The following ANK3 variants were observed in gnomAD, a reference collection of about 807,000 sequenced individuals.
ANK3 encodes the protein ankyrin-3.
A neutral mutation model predicts 370.9 loss-of-function variants in ANK3; 57 were observed. The observed-to-expected ratio is 0.15, with a 90% CI of 0.12 to 0.19. The LOEUF (loss-of-function observed/expected upper bound fraction) is 0.19. Ranked by LOEUF, ANK3 falls within the 10% of genes least tolerant of loss-of-function variation. The pLI is 1.00. For missense variants in ANK3, 4,439 were observed against 5,302.1 expected (o/e 0.84, Z 5.06); for synonymous variants, 1,929 against 1,946.3 (o/e 0.99, Z 0.23).
intron 1 of ANK3, among the ~76,000 whole-genome samples, chr10:60,365,347 A>G (rs763527154): frequency 1.2e-4 from 18 of 152,156 alleles, no homozygotes; most frequent in Admixed American, 2.0e-4. Context: ...TTTAAATTCT[A>G]TTAATCCAAA....
At position 60,395,552 on chromosome 10, in the gene ANK3, C is replaced by CTTTCTTTCTTTCT. The variant is rs1251008666; in HGVS notation, c.97-115926_97-115914dup. The stretch of plus-strand genomic sequence containing the variant: ...CACTTAGCAATCAACTACTATGCCT[C>CTTTCTTTCTTTCT]TTTCTTTCTTTCTTTCTTTCTTTCT... On this transcript the variant is annotated intron_variant, in intron 2 of 43. Coordinates refer to the ANK3 transcript ENST00000373827. Among the ~76,000 whole-genome samples, 19 of 51,126 alleles carry CTTTCTTTCTTTCT rather than the reference C, an allele frequency of 3.7e-4. 1 individual carries two copies. The South Asian group carries it at 4.4e-3, about 12-fold the overall frequency. 33.5% of individuals were successfully genotyped at this position (51,126 alleles called of 152,430 possible). A position where few individuals can be genotyped will look rare whatever the true frequency, so the allele number is the denominator to read the frequency against.
chr10:60,435,371 C>T (rs931898650), intron 2 of ANK3, among the ~76,000 whole-genome samples: 4 of 152,136 alleles, frequency 2.6e-5, no homozygotes, highest in Non-Finnish European at 5.9e-5. Context: ...AGTTCTGTCT[C>T]CATATTATTT....
At chr10:60,562,439 A>C (rs1297222763) in intron 2 of ANK3, among the ~76,000 whole-genome samples, 1 of 152,012 alleles carries the variant, frequency 6.6e-6, no homozygotes, top group Non-Finnish European at 1.5e-5. Context: ...AGGGGGATGG[A>C]GTCTCGCTCT....
intron 2 of ANK3, among the ~76,000 whole-genome samples, chr10:60,613,053 C>G (rs1200681270): frequency 1.3e-5 from 2 of 152,118 alleles, no homozygotes; most frequent in African/African-American, 4.8e-5. Flanking sequence ...TTGTTTCATT[C>G]TTGTAGAAGG....
intron 1 of ANK3, among the ~76,000 whole-genome samples, chr10:60,713,928 C>T (rs889002719): frequency 7.3e-5 from 11 of 150,824 alleles, no homozygotes; most frequent in African/African-American, 2.7e-4. Flanking sequence ...AATGGGAAAT[C>T]GATAGAGAAT....
chr10:60,235,333 T>C (rs2132538375), intron 7 of ANK3, among the ~76,000 whole-genome samples: 1 of 152,340 alleles, frequency 6.6e-6, no homozygotes, highest in Non-Finnish European at 1.5e-5. Context: ...TACAGGCATT[T>C]GTTAGCAGTC....
At chr10:60,693,748 G>A (rs549399639) in intron 1 of ANK3, among the ~76,000 whole-genome samples, 111 of 152,268 alleles carry the variant, frequency 7.3e-4, no homozygotes, top group African/African-American at 2.6e-3. Flanking sequence ...AAACCCATCT[G>A]TACATCACCA....
intron 1 of ANK3, among the ~76,000 whole-genome samples, chr10:60,696,485 T>A: frequency 6.6e-6 from 1 of 151,504 alleles, no homozygotes; most frequent in African/African-American, 2.4e-5. Flanking sequence ...TTGATGAACA[T>A]TGATGCAAAA....
At chr10:60,325,579 T>C (rs10761482) in intron 1 of ANK3, among the ~76,000 whole-genome samples, 107,730 of 151,992 alleles carry the variant, frequency 0.71, 38,780 homozygotes, top group South Asian at 0.9. Context: ...ACACTTTTAC[T>C]GATTCTCTGT....
At chr10:60,167,769 C>CT (rs1288606433) in intron 21 of ANK3, among the ~76,000 whole-genome samples, 1 of 151,316 alleles carries the variant, frequency 6.6e-6, no homozygotes, top group East Asian at 1.9e-4. Flanking sequence ...GTTGTTAAAA[C>CT]TAAAAAAAGG....
intron 16 of ANK3, among the ~76,000 whole-genome samples, chr10:60,188,018 C>G (rs2096388232): frequency 6.6e-6 from 1 of 152,142 alleles, no homozygotes; most frequent in African/African-American, 2.4e-5. Context: ...TTTAGTGGCA[C>G]TCTTTTGTTT....
At position 60,653,262 on chromosome 10, in the gene ANK3, T is replaced by C. The variant is rs146438497; in HGVS notation, c.58-38038A>G. Among the ~76,000 whole-genome samples the C allele has an allele frequency of 3.3e-3, 498 of 152,292 alleles. 3 individuals carry two copies. The highest frequency in any genetic ancestry group is 0.011 in the African/African-American group (466 of 41,564). ...CACAAATATTTTTCTTCTAGTTTTCTTCTAGAAGATTTACAACTTTAGCTT... is the reference window on the plus strand; with the variant it reads ...CACAAATATTTTTCTTCTAGTTTTCCTCTAGAAGATTTACAACTTTAGCTT... On this transcript the variant is annotated intron_variant, in intron 1 of 43. Coordinates refer to the ANK3 transcript ENST00000373827.
At chr10:60,602,874 TA>T (rs2078082749) in intron 2 of ANK3, among the ~76,000 whole-genome samples, 1 of 152,180 alleles carries the variant, frequency 6.6e-6, no homozygotes, top group African/African-American at 2.4e-5. Flanking sequence ...GCTATTACTT[TA>T]TTACAATTTT....
At chr10:60,288,321 C>G (rs550759360) in intron 1 of ANK3, among the ~76,000 whole-genome samples, 1 of 152,180 alleles carries the variant, frequency 6.6e-6, no homozygotes, top group Non-Finnish European at 1.5e-5. Flanking sequence ...TTGGTCTGTT[C>G]TGCTTAGGAT....
chr10:60,335,565 G>C (rs1459910683), intron 1 of ANK3, among the ~76,000 whole-genome samples: 1 of 152,094 alleles, frequency 6.6e-6, no homozygotes, highest in Admixed American at 6.5e-5. Flanking sequence ...GCAAACCAGG[G>C]CAAGACATCA....
Position 60,114,307 on chromosome 10 carries a change from C to A in ANK3, c.2866G>T (p.Asp956Tyr). The A allele has an allele frequency of 1.2e-6, 2 of 1,605,244 alleles. No individual in the cohort carries two copies. Among genetic ancestry groups the A allele is most frequent in the South Asian group, 2.2e-5 (2 of 89,732 alleles). Residue 956 changes from aspartate to tyrosine, a missense_variant, in exon 26 of 44, where the codon GAT becomes TAT. Asp to Tyr is a radical substitution (Grantham distance 160, BLOSUM62 -3). This residue lies in a region of ANK3 where 702 missense variants were observed against 941.5 expected (regional missense o/e 0.75). Transcript: ENST00000280772. ...EQHLTFTREF[D>Y]SDSLRHYSWA... is the part of the protein sequence containing the mutation. ...CTGTAATGTCTAAGAGAATCTGAAT[C>A]AAATTCCCTTGTGAATGTTAGATGC...
chr10:60,255,691 C>T (rs2097724069), intron 7 of ANK3, among the ~76,000 whole-genome samples: 1 of 152,116 alleles, frequency 6.6e-6, no homozygotes, highest in Non-Finnish European at 1.5e-5. Flanking sequence ...GGTGTCATGG[C>T]TTCATTCAAA....
At chr10:60,225,764 A>G (rs971398067) in intron 8 of ANK3, among the ~76,000 whole-genome samples, 2 of 151,736 alleles carry the variant, frequency 1.3e-5, no homozygotes, top group Non-Finnish European at 2.9e-5. Context: ...ACACACCCTT[A>G]TGTTATTTGT....
At chr10:60,469,169 GTA>G (rs565922903) in intron 2 of ANK3, among the ~76,000 whole-genome samples, 2 of 83,852 alleles carry the variant, frequency 2.4e-5, no homozygotes, top group Non-Finnish European at 2.4e-5. Context: ...ATGTGTGTGT[GTA>G]TATATATATA....
Sources: allele counts gnomAD v4.1 joint callset (sites outside exome capture counted in the v4.1 genomes callset), GRCh38; gene constraint gnomAD v4.1.1; regional missense constraint gnomAD v4.1.1; transcripts MANE v1.5; gene names NCBI Gene and HGNC (gene_info 2026-07-23, HGNC 2026-07-21).